TSBP1: variants seen among roughly 807,000 people sequenced by gnomAD.
The protein encoded by TSBP1 is testis-expressed basic protein 1.
Under a neutral mutation model 68.8 loss-of-function variants are expected in TSBP1, and 56 were observed. That is an observed-to-expected ratio of 0.81 (90% CI 0.66 to 1.02). TSBP1 has a LOEUF of 1.02. Ranked by LOEUF, TSBP1 falls within the 50% of genes least tolerant of loss-of-function variation. The pLI, the probability that TSBP1 is intolerant of heterozygous loss-of-function variation, is 0.00. For synonymous variants in TSBP1, 171 were observed against 208.7 expected, an observed-to-expected ratio of 0.82 and a Z score of 1.56; for missense variants, 502 against 641.2, an observed-to-expected ratio of 0.78 and a Z score of 2.34.
rs6925532 is a variant in TSBP1 at position 32,294,926 on chromosome 6, G to A, written c.638-891C>T. On this transcript the variant is annotated intron_variant, in intron 22 of 22. Coordinates refer to ENST00000612031, the Ensembl canonical transcript of TSBP1. ...CCTGAATTAAGTAAAAGAAATATCT[G>A]AGCCACCAAGGAATTGTGTGGGTTC... 6.4e-3 allele frequency among the ~76,000 whole-genome samples: 980 copies of A among 151,992 alleles called. 15 individuals carry two copies. Among genetic ancestry groups the A allele is most frequent in the East Asian group, 0.02 (103 of 5,184 alleles).
At chr6:32,312,407 A>G (rs1480809293) in intron 19 of TSBP1, among the ~76,000 whole-genome samples, 2 of 152,170 alleles carry the variant, frequency 1.3e-5, no homozygotes, top group Non-Finnish European at 2.9e-5. Flanking sequence ...TGTGCCTGAG[A>G]CGGGCCATTA....
At chr6:32,346,765 G>T (rs959218117) in intron 9 of TSBP1, among the ~76,000 whole-genome samples, 3 of 152,146 alleles carry the variant, frequency 2.0e-5, no homozygotes, top group African/African-American at 7.2e-5. Context: ...TTGAACCCGG[G>T]AGGTGGAGTT....
chr6:32,316,390 T>G lies in TSBP1; in HGVS notation c.560-598A>C. 1 of 1,570,144 alleles carries G rather than the reference T, an allele frequency of 6.4e-7. No individual in the cohort carries two copies. The highest frequency in any genetic ancestry group is 8.7e-7 in the Non-Finnish European group (1 of 1,155,624). ...CAAAGTAGAAAAAGACATGTAATAC[T>G]TACTTATAGGTGCTGCCAGCTGACC... is the stretch of plus-strand genomic sequence containing the variant. On this transcript the variant is annotated intron_variant, in intron 18 of 22. Coordinates refer to ENST00000612031, the Ensembl canonical transcript of TSBP1. This position sits in a 1 kb window ranked among gnomAD's most constrained non-coding sequence, Gnocchi z 4.5.
intron 6 of TSBP1, 75 bp from the exon 7 acceptor site, chr6:32,355,744 AT>A: frequency 6.6e-7 from 1 of 1,512,150 alleles, no homozygotes; most frequent in South Asian, 1.3e-5. Context: ...ACTACAGAGG[AT>A]TACCCAATCA....
intron 17 of TSBP1, 128 bp downstream of exon 18, chr6:32,323,463 A>G: frequency 1.2e-6 from 1 of 849,772 alleles, no homozygotes; most frequent in Non-Finnish European, 2.0e-6. Flanking sequence ...GGCAGAGGAA[A>G]CTGGAAGCTT....
intron 6 of TSBP1, among the ~76,000 whole-genome samples, chr6:32,360,883 C>CTTT (rs35899943): frequency 6.7e-6 from 1 of 150,300 alleles, no homozygotes; most frequent in Non-Finnish European, 1.5e-5. Context: ...TTCTCTCTCT[C>CTTT]TTTTTTTTTA....
At chr6:32,328,132 C>T (rs1032765480) in intron 16 of TSBP1, among the ~76,000 whole-genome samples, 15 of 151,670 alleles carry the variant, frequency 9.9e-5, no homozygotes, top group Admixed American at 3.9e-4. Context: ...AATAGAGGCG[C>T]GGTTTCATCA....
rs1241237254 is a variant in TSBP1, at chr6:32,370,407, G to GTGTGTGTATA, written c.14-425_14-424insTATACACACA. Among the ~76,000 whole-genome samples, 170 of 130,700 alleles carry GTGTGTGTATA rather than the reference G, an allele frequency of 1.3e-3. 1 individual carries two copies. The highest frequency in any genetic ancestry group is 3.8e-3 in the Middle Eastern group (1 of 260). The allele number at this position is 130,700 out of a possible 152,430, so 85.7% of individuals were successfully genotyped here. A position where few individuals can be genotyped will look rare whatever the true frequency, so the allele number is the denominator to read the frequency against. On this transcript the variant is annotated intron_variant, in intron 1 of 22. Transcript: ENST00000612031. ...TACCTTTAAAGTTGCAAGATTTTCT[G>GTGTGTGTATA]TATATATATATATATATATATATAT...
chr6:32,355,104 G>T lies in TSBP1; in HGVS notation c.259+20C>A. 6.2e-7 allele frequency: 1 copy of T among 1,605,604 alleles called. No homozygotes were observed. Among genetic ancestry groups the T allele is most frequent in the Non-Finnish European group, 8.5e-7 (1 of 1,175,160 alleles). On this transcript the variant is annotated intron_variant, in intron 8 of 22. Transcript: ENST00000612031. ...AAACCAGATGACAGTAGAATTGAAA[G>T]AAAACCACAAAGCACTTACCTAGAG...
chr6:32,332,963 G>A (rs17840113), intron 14 of TSBP1, among the ~76,000 whole-genome samples: 2,105 of 151,794 alleles, frequency 0.014, 37 homozygotes, highest in African/African-American at 0.03. Flanking sequence ...TTCTAGCTCT[G>A]ATCGCCTGGT....
intron 8 of TSBP1, chr6:32,350,002 G>A (rs1450250746): frequency 5.6e-6 from 4 of 711,800 alleles, no homozygotes; most frequent in African/African-American, 5.2e-5. Context: ...ATTTTGGTAA[G>A]AGAATAAAAA....
At chr6:32,345,710 A>G (rs937887960) in intron 9 of TSBP1, among the ~76,000 whole-genome samples, 5 of 152,196 alleles carry the variant, frequency 3.3e-5, no homozygotes, top group Non-Finnish European at 7.3e-5. Flanking sequence ...GTAATGGACC[A>G]TAGTCTCCTC....
Position 32,333,361 on chromosome 6 carries a change from T to C in TSBP1, c.473-1307A>G, listed in dbSNP as rs1769282281. On this transcript the variant is annotated intron_variant, in intron 14 of 22. Coordinates refer to ENST00000612031, the Ensembl canonical transcript of TSBP1. The surrounding 1 kb of genome is among the most constrained non-coding windows in gnomAD (Gnocchi z 4.2). ...GAATGATCCTTGATGTTAGACTGCA[T>C]CTGAACTGGGAGAATTGTAAATATG... Among the ~76,000 whole-genome samples, 1 of 152,166 alleles carries C rather than the reference T, an allele frequency of 6.6e-6. No individual in the cohort carries two copies. The highest frequency in any genetic ancestry group is 1.5e-5 in the Non-Finnish European group (1 of 68,030).
rs1476296650 is a variant in TSBP1, at chr6:32,316,664, A to G, written c.560-872T>C. 6.6e-6 allele frequency among the ~76,000 whole-genome samples: 1 copy of G among 152,218 alleles called. No individual in the cohort carries two copies. The highest frequency in any genetic ancestry group is 1.9e-4 in the East Asian group (1 of 5,204). On this transcript the variant is annotated intron_variant, in intron 18 of 22. Coordinates refer to ENST00000612031, the Ensembl canonical transcript of TSBP1. This position sits in a 1 kb window ranked among gnomAD's most constrained non-coding sequence, Gnocchi z 4.5. ...ATGGGATAATGTAATTAAAGCACCT[A>G]TATAATTCTATAGGAGGTGCAAAGT... is the stretch of plus-strand genomic sequence containing the variant.
chr6:32,349,972 T>C (rs1487082327), intron 8 of TSBP1: 1 of 755,592 alleles, frequency 1.3e-6, no homozygotes, highest in South Asian at 1.4e-5. Context: ...GACTACAAGA[T>C]CTATGCAACC....
rs1230147142 is a variant in TSBP1, at chr6:32,302,587, T to TCC, written c.601+21_601+22insGG. 6.7e-7 allele frequency: 1 copy of TCC among 1,489,910 alleles called. No individual in the cohort carries two copies. Among genetic ancestry groups the TCC allele is most frequent in the Non-Finnish European group, 9.2e-7 (1 of 1,089,794 alleles). The allele number at this position is 1,489,910 out of a possible 1,614,324, so 92.3% of individuals were successfully genotyped here. ...CCAGCCCTACAAGAAACTAATGTAATAAAAATATATTAGGAACTTACTAGT... is the reference window on the plus strand; with the variant it reads ...CCAGCCCTACAAGAAACTAATGTAATCCAAAAATATATTAGGAACTTACTAGT... On this transcript the variant is annotated intron_variant, in intron 20 of 22. Transcript: ENST00000612031. This position sits in a 1 kb window ranked among gnomAD's most constrained non-coding sequence, Gnocchi z 5.1.
chr6:32,348,456 A>G (rs1454968382), intron 9 of TSBP1, among the ~76,000 whole-genome samples: 1 of 128,648 alleles, frequency 7.8e-6, no homozygotes, highest in Non-Finnish European at 1.8e-5. Flanking sequence ...TTGGATTAGC[A>G]CACTAAGTCT....
chr6:32,293,675 C>T (rs1764401819), exon 23 of TSBP1: 1 of 1,612,918 alleles, frequency 6.2e-7, no homozygotes, highest in Non-Finnish European at 8.5e-7. Context: ...GGACTCCTGT[C>T]CTCTTGGTAC....
intron 18 of TSBP1, among the ~76,000 whole-genome samples, chr6:32,318,414 A>G (rs1323078600): frequency 6.6e-6 from 1 of 152,214 alleles, no homozygotes; most frequent in African/African-American, 2.4e-5. Flanking sequence ...GTTTACCTAT[A>G]TAACAAACTG....
Sources: allele counts gnomAD v4.1 joint callset (sites outside exome capture counted in the v4.1 genomes callset), GRCh38; gene constraint gnomAD v4.1.1; non-coding constraint Gnocchi (gnomAD v3.1); transcripts MANE v1.5; gene names NCBI Gene and HGNC (gene_info 2026-07-23, HGNC 2026-07-21).